Variants in GPHN observed in about 807,000 individuals in gnomAD.
GPHN encodes gephyrin.
GPHN carries 17 observed loss-of-function variants against 95.5 expected under a neutral mutation model. The ratio of observed to expected loss-of-function variants is 0.18; its 90% CI spans 0.12 to 0.27. GPHN has a LOEUF of 0.27. Ranked by LOEUF, GPHN falls within the 10% of genes least tolerant of loss-of-function variation. GPHN has a pLI of 1.00. For synonymous variants in GPHN, 320 were observed against 322.5 expected (o/e 0.99, Z 0.08); for missense variants, 660 against 978.1 (o/e 0.67, Z 4.34).
At chr14:66,561,909 T>C (rs1248696894) in intron 1 of GPHN, among the ~76,000 whole-genome samples, 2 of 152,104 alleles carry the variant, frequency 1.3e-5, no homozygotes, top group Non-Finnish European at 2.9e-5. Flanking sequence ...TTCCACCTTC[T>C]AGAGGCTGCC....
At chr14:67,119,516 G>C (rs955955792) in intron 16 of GPHN, among the ~76,000 whole-genome samples, 1 of 152,168 alleles carries the variant, frequency 6.6e-6, no homozygotes, top group East Asian at 1.9e-4. Context: ...TAGGCCAGGC[G>C]CAGTGGCTCA....
the GPHN span, among the ~76,000 whole-genome samples, chr14:67,527,099 T>C: frequency 2.6e-5 from 4 of 152,288 alleles, no homozygotes; most frequent in East Asian, 1.9e-4. Context: ...GGCTCACTCA[T>C]TGCAACCTTT....
At chr14:67,037,313 T>A (rs765230718) in intron 10 of GPHN, among the ~76,000 whole-genome samples, 10 of 151,876 alleles carry the variant, frequency 6.6e-5, no homozygotes, top group Non-Finnish European at 1.5e-4. Context: ...AATAGTTAAG[T>A]CTAATAGGTA....
At chr14:66,704,047 C>G (rs1034571847) in intron 2 of GPHN, among the ~76,000 whole-genome samples, 2 of 149,990 alleles carry the variant, frequency 1.3e-5, no homozygotes, top group African/African-American at 2.4e-5. Context: ...GAGTTTAAAC[C>G]AACAAAGATC....
At chr14:66,875,553 T>C (rs983567519) in intron 4 of GPHN, among the ~76,000 whole-genome samples, 2 of 152,000 alleles carry the variant, frequency 1.3e-5, no homozygotes. Context: ...AATAAAGGGA[T>C]GGAGGAATAT....
intron 4 of GPHN, among the ~76,000 whole-genome samples, chr14:66,832,824 A>C (rs1037339124): frequency 1.4e-4 from 22 of 152,202 alleles, no homozygotes; most frequent in African/African-American, 5.3e-4. Flanking sequence ...AAAGATTAAA[A>C]GAGAGCTTGA....
intron 14 of GPHN, among the ~76,000 whole-genome samples, chr14:67,110,671 G>A (rs1470986367): frequency 6.6e-6 from 1 of 152,170 alleles, no homozygotes; most frequent in Non-Finnish European, 1.5e-5. Context: ...CTGATAAAAT[G>A]TCAAGGAGTT....
intron 3 of GPHN, among the ~76,000 whole-genome samples, chr14:66,809,610 C>T (rs2060682756): frequency 6.6e-6 from 1 of 152,082 alleles, no homozygotes; most frequent in African/African-American, 2.4e-5. Context: ...TATTAGGAGT[C>T]TCTATGGCAT....
the GPHN span, chr14:67,279,551 G>A: frequency 2.0e-6 from 3 of 1,513,602 alleles, no homozygotes; most frequent in African/African-American, 4.2e-5. Flanking sequence ...AGTAAAAATA[G>A]AGGTATAACA....
intron 6 of GPHN, among the ~76,000 whole-genome samples, chr14:66,918,111 A>G (rs551288422): frequency 1.8e-4 from 28 of 152,316 alleles, no homozygotes; most frequent in East Asian, 7.7e-4. Flanking sequence ...TATACTCATG[A>G]TTATTGTTCA....
At chr14:67,178,466 C>T (rs1327161887) in intron 21 of GPHN, among the ~76,000 whole-genome samples, 2 of 152,092 alleles carry the variant, frequency 1.3e-5, no homozygotes, top group Non-Finnish European at 2.9e-5. Context: ...GTGGGTAATC[C>T]GACCTTTCTC....
intron 1 of GPHN, among the ~76,000 whole-genome samples, chr14:66,587,003 A>G (rs1010040748): frequency 6.6e-6 from 1 of 152,182 alleles, no homozygotes; most frequent in African/African-American, 2.4e-5. Flanking sequence ...ACTTTTAACT[A>G]AGAAAAATGA....
chr14:67,721,052 C>T, the GPHN span: 2 of 152,246 alleles, frequency 1.3e-5, no homozygotes, highest in African/African-American at 4.8e-5. Context: ...TGCACAATTC[C>T]TGGTGCAGAG....
chr14:67,615,982 C>G, the GPHN span: 1 of 299,976 alleles, frequency 3.3e-6, no homozygotes, highest in Admixed American at 4.4e-5. Context: ...AAAGGAAAGT[C>G]TGATGCAGCC....
At chr14:66,762,595 C>T (rs1173948501) in intron 2 of GPHN, among the ~76,000 whole-genome samples, 3 of 149,810 alleles carry the variant, frequency 2.0e-5, no homozygotes, top group Non-Finnish European at 4.4e-5. Flanking sequence ...TCTGGGATGA[C>T]ATTGTTCTAA....
At chr14:67,002,608 C>A (rs2072312074) in intron 9 of GPHN, among the ~76,000 whole-genome samples, 1 of 151,150 alleles carries the variant, frequency 6.6e-6, no homozygotes, top group South Asian at 2.1e-4. Flanking sequence ...GGATTTGAAA[C>A]CCAACCCTGT....
chr14:67,631,430 C>CTTTTT, the GPHN span, among the ~76,000 whole-genome samples: 233 of 128,404 alleles, frequency 1.8e-3, 5 homozygotes, highest in African/African-American at 2.5e-3. Context: ...TCCTTTCTTT[C>CTTTTT]TTTCTTTTTT....
At chr14:66,526,166 A>C (rs1426155041) in intron 1 of GPHN, among the ~76,000 whole-genome samples, 2 of 152,088 alleles carry the variant, frequency 1.3e-5, no homozygotes, top group Non-Finnish European at 2.9e-5. Context: ...TTCCTTGAGC[A>C]GTGGTTTGTA....
intron 8 of GPHN, among the ~76,000 whole-genome samples, chr14:66,935,570 C>T (rs980728198): frequency 1.3e-5 from 2 of 151,160 alleles, no homozygotes; most frequent in African/African-American, 4.9e-5. Context: ...TACATGTATA[C>T]ACCACCGCAT....
Sources: gnomAD v4.1 joint callset for allele counts (sites outside exome capture counted in the v4.1 genomes callset) on GRCh38, gnomAD v4.1.1 for gene constraint, MANE v1.5 for transcripts, NCBI Gene and HGNC (gene_info 2026-07-23, HGNC 2026-07-21) for gene names.